Variants in SLC4A10 observed in about 807,000 individuals in gnomAD.
SLC4A10 encodes sodium-driven chloride bicarbonate exchanger.
Under a neutral mutation model 137.7 loss-of-function variants are expected in SLC4A10, and 42 were observed. The observed-to-expected ratio is 0.30, with a 90% CI of 0.24 to 0.39. The LOEUF is 0.39. SLC4A10 is among the 10% of genes least tolerant of loss of function. The pLI is 1.00. For missense variants in SLC4A10, 925 were observed against 1,355.0 expected (o/e 0.68, Z 4.98); for synonymous variants, 474 against 464.1 (o/e 1.02, Z -0.27).
At chr2:161,762,243 C>T (rs931433823) in intron 1 of SLC4A10, among the ~76,000 whole-genome samples, 1 of 151,924 alleles carries the variant, frequency 6.6e-6, no homozygotes, top group African/African-American at 2.4e-5. Flanking sequence ...ATGGTATAGT[C>T]TATGTCATAG....
At chr2:161,802,080 C>T (rs976114362) in intron 2 of SLC4A10, among the ~76,000 whole-genome samples, 1 of 152,000 alleles carries the variant, frequency 6.6e-6, no homozygotes, top group African/African-American at 2.4e-5. Context: ...GCTTTTTGTG[C>T]ATTTTAATTG....
At chr2:161,773,322 C>T (rs920567826) in intron 2 of SLC4A10, among the ~76,000 whole-genome samples, 2 of 151,790 alleles carry the variant, frequency 1.3e-5, no homozygotes, top group Non-Finnish European at 2.9e-5. Context: ...TTGGGCCCCA[C>T]CTCACAAATT....
chr2:161,752,021 T>A (rs1189409029), intron 1 of SLC4A10, among the ~76,000 whole-genome samples: 2 of 151,994 alleles, frequency 1.3e-5, no homozygotes, highest in Admixed American at 6.6e-5. Context: ...ATTCACTTTT[T>A]CTTGCTCACC....
At chr2:161,651,085 C>A (rs967893254) in intron 1 of SLC4A10, 1 of 152,502 alleles carries the variant, frequency 6.6e-6, no homozygotes, top group African/African-American at 2.4e-5. Flanking sequence ...GCATGCACTT[C>A]CTCCCTTCTG....
At chr2:161,977,287 T>G (rs1292909380) in intron 25 of SLC4A10, 1 of 380,224 alleles carries the variant, frequency 2.6e-6, no homozygotes, top group South Asian at 2.2e-5. Context: ...CATAAATATT[T>G]ATATTTAGTA....
chr2:161,919,216 A>G (rs1399593992), intron 15 of SLC4A10, among the ~76,000 whole-genome samples: 1 of 152,154 alleles, frequency 6.6e-6, no homozygotes, highest in African/African-American at 2.4e-5. Context: ...GTGGGGCTGA[A>G]GGTGGCTTGG....
intron 1 of SLC4A10, among the ~76,000 whole-genome samples, chr2:161,736,962 G>T (rs1253521627): frequency 6.6e-6 from 1 of 152,066 alleles, no homozygotes; most frequent in Non-Finnish European, 1.5e-5. Context: ...ATGGGCTCAA[G>T]TGATCCTCTC....
chr2:161,870,998 A>G (rs2061083703), intron 6 of SLC4A10, among the ~76,000 whole-genome samples: 2 of 152,046 alleles, frequency 1.3e-5, no homozygotes, highest in South Asian at 2.1e-4. Flanking sequence ...TCCTATTAAT[A>G]AATGACCCCT....
chr2:161,880,623 A>G (rs537304602), intron 9 of SLC4A10, among the ~76,000 whole-genome samples: 1 of 152,296 alleles, frequency 6.6e-6, no homozygotes, highest in East Asian at 1.9e-4. Flanking sequence ...TGAGCACATT[A>G]AAGTGGCATC....
chr2:161,926,916 G>A (rs1326638419), intron 15 of SLC4A10, among the ~76,000 whole-genome samples: 1 of 151,970 alleles, frequency 6.6e-6, no homozygotes, highest in Non-Finnish European at 1.5e-5. Flanking sequence ...TAGAGTTTCT[G>A]CTGAGAGATC....
chr2:161,868,022 C>T (rs1453195168), intron 6 of SLC4A10, among the ~76,000 whole-genome samples: 2 of 151,748 alleles, frequency 1.3e-5, no homozygotes, highest in African/African-American at 2.4e-5. Flanking sequence ...TTCTAGTGCA[C>T]GTGATTTACA....
Position 161,957,186 on chromosome 2 carries a change from G to C in SLC4A10, c.2739G>C (p.Gly913=), listed in dbSNP as rs749973515. Residue 913 remains glycine (G), a synonymous_variant, in exon 20 of 27, where the codon GGG becomes GGC. Coordinates refer to ENST00000446997, the MANE Select transcript of SLC4A10 (RefSeq NM_001178015.2). ...FLGIREQRVT[G]LMIFILMGSS... Reference sequence around the variant, plus strand: ...GCATTCGGGAGCAAAGGGTTACTGGGCTTATGATTTTTATTCTTATGGGTT... The same window carrying C: ...GCATTCGGGAGCAAAGGGTTACTGGCCTTATGATTTTTATTCTTATGGGTT... 1.7e-5 allele frequency: 27 copies of C among 1,613,626 alleles called. No individual in the cohort carries two copies. In the South Asian group the frequency reaches 2.9e-4, roughly 17 times the overall value.
At chr2:161,705,471 T>G (rs2043555986) in intron 1 of SLC4A10, among the ~76,000 whole-genome samples, 3 of 151,688 alleles carry the variant, frequency 2.0e-5, no homozygotes, top group South Asian at 4.1e-4. Context: ...TGAGATGTTC[T>G]TATGTGCAGC....
chr2:161,891,865 G>A (rs1400096938), intron 10 of SLC4A10, among the ~76,000 whole-genome samples: 5 of 151,966 alleles, frequency 3.3e-5, no homozygotes, highest in Non-Finnish European at 7.4e-5. Flanking sequence ...ATCCTTTGGA[G>A]GAGAAGCAGC....
At chr2:161,939,276 C>T (rs1436668384) in intron 15 of SLC4A10, among the ~76,000 whole-genome samples, 4 of 151,988 alleles carry the variant, frequency 2.6e-5, no homozygotes, top group African/African-American at 7.3e-5. Context: ...GGGGTTTCAC[C>T]ATGTTGGCCA....
intron 6 of SLC4A10, 41 bp from the exon 7 acceptor site, chr2:161,872,252 G>A: frequency 6.7e-7 from 1 of 1,487,658 alleles, no homozygotes; most frequent in Non-Finnish European, 9.4e-7. Flanking sequence ...CTACAACTAT[G>A]TAAGTAATTG....
At chr2:161,727,514 A>G (rs560177389) in intron 1 of SLC4A10, among the ~76,000 whole-genome samples, 1 of 152,328 alleles carries the variant, frequency 6.6e-6, no homozygotes, top group African/African-American at 2.4e-5. Context: ...AGAGAGTAGG[A>G]TGGGAGAAAA....
intron 15 of SLC4A10, among the ~76,000 whole-genome samples, chr2:161,908,833 G>A (rs1490048102): frequency 6.6e-6 from 1 of 151,772 alleles, no homozygotes; most frequent in African/African-American, 2.4e-5. Context: ...AGAGACTGAG[G>A]AAAGGAAGGC....
intron 1 of SLC4A10, among the ~76,000 whole-genome samples, chr2:161,712,839 C>T (rs2044439332): frequency 6.6e-6 from 1 of 151,816 alleles, no homozygotes; most frequent in Non-Finnish European, 1.5e-5. Context: ...CCCAAATTGG[C>T]AGAGTCAGTT....
Sources: gnomAD v4.1 joint callset for allele counts (sites outside exome capture counted in the v4.1 genomes callset) on GRCh38, gnomAD v4.1.1 for gene constraint, MANE v1.5 for transcripts, NCBI Gene and HGNC (gene_info 2026-07-23, HGNC 2026-07-21) for gene names.